MRPL55: variants seen among roughly 807,000 people sequenced by gnomAD.
The protein encoded by MRPL55 is large ribosomal subunit protein mL55.
MRPL55 carries 7 observed loss-of-function variants against 10.6 expected under a neutral mutation model. The ratio of observed to expected loss-of-function variants is 0.66; its 90% CI spans 0.38 to 1.24. MRPL55 has a LOEUF of 1.24. MRPL55 is among the 50% of genes most tolerant of loss of function. MRPL55 has a pLI of 0.02. For synonymous variants in MRPL55, 57 were observed against 71.8 expected, an observed-to-expected ratio of 0.79 and a Z score of 1.04; for missense variants, 148 against 180.3, an observed-to-expected ratio of 0.82 and a Z score of 1.03.
chr1:228,107,585 C>T, intron 4 of MRPL55, 83 bp downstream of exon 4: 1 of 1,265,926 alleles, frequency 7.9e-7, no homozygotes, highest in Middle Eastern at 2.5e-4. Context: ...ACATGTCCAT[C>T]CGAAGGCGAC....
Position 228,108,475 on chromosome 1 carries a change from C to G in MRPL55, c.-58-157G>C, listed in dbSNP as rs989222408. On this transcript the variant is annotated intron_variant, in intron 2 of 4. Coordinates refer to ENST00000336520, the MANE Select transcript of MRPL55 (RefSeq NM_181463.3). ...CAACCCTTGGACTTCTCAGAACCGC[C>G]TGTAGAGGTTTTTCCAAAAGCAGAA... 7 of 569,370 alleles carry G rather than the reference C, an allele frequency of 1.2e-5. No individual in the cohort carries two copies. The African/African-American group carries it at 1.3e-4, about 11-fold the overall frequency. 35.3% of individuals were successfully genotyped at this position (569,370 alleles called of 1,614,324 possible).
At chr1:228,108,523 T>C in intron 2 of MRPL55, 2 of 516,802 alleles carry the variant, frequency 3.9e-6, no homozygotes, top group Non-Finnish European at 6.9e-6. Context: ...TCCCAAAGAT[T>C]CTGAGTCAGC....
chr1:228,107,702 T>C lies in MRPL55; in HGVS notation c.194A>G (p.His65Arg). The C allele has an allele frequency of 2.5e-6, 4 of 1,613,144 alleles. No homozygotes were observed. Among genetic ancestry groups the C allele is most frequent in the Non-Finnish European group, 3.4e-6 (4 of 1,180,008 alleles). Residue 65 changes from histidine (H) to arginine (R), a missense_variant, in exon 4 of 5, where the codon CAC becomes CGC. Physicochemically the swap from His to Arg is conservative, Grantham distance 29. Coordinates refer to ENST00000336520, the MANE Select transcript of MRPL55 (RefSeq NM_181463.3). ...GCGCCGTGGCTCCCTGTAGCGGATGTGGATGGTGGAGCCATCCTGCTTCAC... is the reference window on the plus strand; with the variant it reads ...GCGCCGTGGCTCCCTGTAGCGGATGCGGATGGTGGAGCCATCCTGCTTCAC... ...LLVKQDGSTIHIRYREPRRML... is the reference protein window; with the variant it reads ...LLVKQDGSTIRIRYREPRRML...
rs2033375633 is a variant in MRPL55 at position 228,108,063 on chromosome 1, TAG to T, written c.26+170_26+171del. ...TGTGGTCAGAGGCGTTCTGGCCCCC[TAG>T]CCAGGAAGAGGCTGCCAGGCTGAGC... On this transcript the variant is annotated intron_variant, in intron 3 of 4. Transcript: ENST00000336520. The T allele has an allele frequency of 3.2e-6, 5 of 1,540,280 alleles. No homozygotes were observed. In the African/African-American group the frequency reaches 6.9e-5, roughly 21 times the overall value.
Position 228,108,308 on chromosome 1 carries a change from T to A in MRPL55, c.-48A>T. 6.3e-7 allele frequency: 1 copy of A among 1,588,958 alleles called. No homozygotes were observed. The highest frequency in any genetic ancestry group is 1.1e-5 in the South Asian group (1 of 87,786). On this transcript the variant is annotated 5_prime_UTR_variant, in exon 3 of 5. Coordinates refer to ENST00000336520, the MANE Select transcript of MRPL55 (RefSeq NM_181463.3). The stretch of plus-strand genomic sequence containing the variant: ...ACGTGGAGGTGGTCAGTACAGGCCC[T>A]GGCGTGCAACCTGCTAGGCAGAGAA...
intron 3 of MRPL55, 147 bp from the exon 4 acceptor site, chr1:228,108,016 G>C: frequency 6.5e-7 from 1 of 1,544,446 alleles, no homozygotes; most frequent in East Asian, 2.5e-5. Flanking sequence ...TGAGCCTCGG[G>C]GCTTCCTCAG....
At chr1:228,108,500 A>C in intron 2 of MRPL55, 182 bp from the exon 3 acceptor site, 1 of 543,102 alleles carries the variant, frequency 1.8e-6, no homozygotes, top group Non-Finnish European at 3.3e-6. Flanking sequence ...CAAAAGCAGA[A>C]GTTGGTCACT....
At chr1:228,107,120 T>C (rs2033204856) in intron 4 of MRPL55, among the ~76,000 whole-genome samples, 1 of 152,224 alleles carries the variant, frequency 6.6e-6, no homozygotes, top group Non-Finnish European at 1.5e-5. Context: ...TTGATGTTTT[T>C]AAAAACACAC....
chr1:228,107,957 C>T (rs777047506), intron 3 of MRPL55, 88 bp from the exon 4 acceptor site: 27 of 1,565,684 alleles, frequency 1.7e-5, no homozygotes, highest in Admixed American at 7.6e-5. Flanking sequence ...TGGGCACTGC[C>T]GGGCCACAGG....
At chr1:228,108,644 T>C in intron 2 of MRPL55, 1 of 256,738 alleles carries the variant, frequency 3.9e-6, no homozygotes, top group Non-Finnish European at 7.5e-6. Flanking sequence ...CTTTCTAAGG[T>C]CATTGCTAGT....
chr1:228,108,079 G>C, intron 3 of MRPL55, 156 bp downstream of exon 3: 2 of 1,536,216 alleles, frequency 1.3e-6, no homozygotes, highest in African/African-American at 2.7e-5. Flanking sequence ...GGAAGAGGCT[G>C]CCAGGCTGAG....
chr1:228,107,328 G>A (rs192924501), intron 4 of MRPL55, among the ~76,000 whole-genome samples: 33 of 152,364 alleles, frequency 2.2e-4, no homozygotes, highest in Admixed American at 5.9e-4. Flanking sequence ...GGAAGCTGGG[G>A]TGGGAGGACC....
In MRPL55 at chr1:228,107,786, C is replaced by G. The variant is rs754216816; in HGVS notation, c.110G>C (p.Arg37Thr). Residue 37 changes from arginine (R) to threonine (T), a missense_variant, in exon 4 of 5, where the codon AGG becomes ACG. By Grantham distance (71) the Arg-to-Thr change is moderately conservative. Transcript: ENST00000336520. The stretch of plus-strand genomic sequence containing the variant: ...GCGGTGCACACGAGTGAGTGAGGCC[C>G]TGCTGCTGTCAGCTCGCCAGGAGGA... ...HTSSWRADSS[R>T]ASLTRVHRQA... The G allele has an allele frequency of 3.1e-6, 5 of 1,613,198 alleles. No individual in the cohort carries two copies. In the South Asian group the frequency reaches 5.5e-5, roughly 18 times the overall value.
In MRPL55 at chr1:228,107,747, C is replaced by T. The variant is rs2033317079; in HGVS notation, c.149G>A (p.Arg50Gln). The T allele has an allele frequency of 3.1e-6, 5 of 1,613,268 alleles. No homozygotes were observed. The highest frequency in any genetic ancestry group is 4.2e-6 in the Non-Finnish European group (5 of 1,180,028). The change falls in exon 4 of 5, where the codon CGA (arginine) becomes CAA (glutamine). Residue 50 changes from arginine (R) to glutamine (Q), a missense_variant. Coordinates refer to ENST00000336520, the MANE Select transcript of MRPL55 (RefSeq NM_181463.3). ...CTTCACCAGCAGCACGGGGTAGAGTCGTGCATAAGCCTGGCGGTGCACACG... is the reference window on the plus strand; with the variant it reads ...CTTCACCAGCAGCACGGGGTAGAGTTGTGCATAAGCCTGGCGGTGCACACG... ...LTRVHRQAYA[R>Q]LYPVLLVKQD...
At chr1:228,107,514 C>G (rs145387968) in intron 4 of MRPL55, among the ~76,000 whole-genome samples, 154 bp downstream of exon 4, 299 of 152,362 alleles carry the variant, frequency 2.0e-3, no homozygotes, top group South Asian at 3.9e-3. Context: ...AAGCCTTCCT[C>G]CACTCCTCCA....
intron 4 of MRPL55, 132 bp downstream of exon 4, chr1:228,107,536 C>T: frequency 2.4e-6 from 2 of 823,990 alleles, no homozygotes; most frequent in Non-Finnish European, 4.0e-6. Flanking sequence ...CAACCACCTG[C>T]TCCCCTGACT....
rs74140968 is a variant in MRPL55, at chr1:228,107,881, T to C, written c.27-12A>G. 5.1e-3 allele frequency: 8,290 copies of C among 1,612,864 alleles called. 180 individuals are homozygous for C. Among genetic ancestry groups the C allele is most frequent in the Admixed American group, 0.045 (2,686 of 59,974 alleles). On this transcript the variant is annotated splice_polypyrimidine_tract_variant and intron_variant, in intron 3 of 4. Transcript: ENST00000336520. Reference sequence around the variant, plus strand: ...TCTGCCTCAGCCGGCTGCAGATAAATGTTCAAGCTCTGGTCAGCCGACAGT... The same window carrying C: ...TCTGCCTCAGCCGGCTGCAGATAAACGTTCAAGCTCTGGTCAGCCGACAGT...
chr1:228,108,155 G>A, intron 3 of MRPL55, 80 bp downstream of exon 3: 1 of 1,551,386 alleles, frequency 6.4e-7, no homozygotes. Context: ...GGATTAGAAT[G>A]GCGGTTTCCT....
Position 228,106,757 on chromosome 1 carries a change from C to A in MRPL55, c.*3G>T. 1.9e-6 allele frequency: 3 copies of A among 1,607,870 alleles called. No individual in the cohort carries two copies. The South Asian group carries it at 3.3e-5, about 18-fold the overall frequency. On this transcript the variant is annotated 3_prime_UTR_variant, in exon 5 of 5. Transcript: ENST00000336520. ...CAATGTCCCGGGGTGGCTGGAGCCA[C>A]GGTCACTTCTTGGTCCTGGTCCAGA...
Sources: gnomAD v4.1 joint callset for allele counts (sites outside exome capture counted in the v4.1 genomes callset) on GRCh38, gnomAD v4.1.1 for gene constraint, MANE v1.5 for transcripts, NCBI Gene and HGNC (gene_info 2026-07-23, HGNC 2026-07-21) for gene names.